The following ZNF790 variants were observed in gnomAD, a reference collection of about 807,000 sequenced individuals.
ZNF790 encodes zinc finger protein 790.
A neutral mutation model predicts 12.1 loss-of-function variants in ZNF790; 8 were observed. The ratio of observed to expected loss-of-function variants is 0.66; its 90% CI spans 0.39 to 1.19. ZNF790 has a LOEUF of 1.19. ZNF790 is among the 50% of genes most tolerant of loss of function. ZNF790 has a pLI of 0.01. For synonymous variants in ZNF790, 252 were observed against 244.3 expected (o/e 1.03, Z -0.29); for missense variants, 707 against 752.2 (o/e 0.94, Z 0.70).
intron 1 of ZNF790, among the ~76,000 whole-genome samples, chr19:36,843,718 A>G (rs1568344367): frequency 6.6e-6 from 1 of 152,186 alleles, no homozygotes; most frequent in African/African-American, 2.4e-5. Flanking sequence ...CTGAAAAAAC[A>G]AACAGGTCGG....
intron 1 of ZNF790, among the ~76,000 whole-genome samples, chr19:36,830,698 G>A (rs1025570153): frequency 3.3e-5 from 5 of 152,302 alleles, no homozygotes; most frequent in African/African-American, 1.2e-4. Context: ...GGGTAACAGA[G>A]GAAGAAACCC....
At chr19:36,828,841 T>C (rs1009419227) in intron 1 of ZNF790, among the ~76,000 whole-genome samples, 17 of 151,880 alleles carry the variant, frequency 1.1e-4, no homozygotes, top group African/African-American at 3.9e-4. Flanking sequence ...AACAAGAAAA[T>C]CAAAGTAAAT....
At chr19:36,844,631 T>C (rs2072160563) in intron 1 of ZNF790, among the ~76,000 whole-genome samples, 1 of 148,330 alleles carries the variant, frequency 6.7e-6, no homozygotes, top group Admixed American at 6.6e-5. Flanking sequence ...TCACCAAAAC[T>C]CTGAGAAAAA....
At position 36,838,048 on chromosome 19, in the gene ZNF790, A is replaced by G. The variant is rs937876819; in HGVS notation, c.-74+289T>C. 1.3e-5 allele frequency: 2 copies of G among 152,438 alleles called. No individual in the cohort carries two copies. Among genetic ancestry groups the G allele is most frequent in the Admixed American group, 1.3e-4 (2 of 15,284 alleles). 9.4% of individuals were successfully genotyped at this position (152,438 alleles called of 1,614,324 possible). On this transcript the variant is annotated intron_variant, in intron 1 of 4. Coordinates refer to ENST00000356725, the MANE Select transcript of ZNF790 (RefSeq NM_206894.4). The surrounding 1 kb of genome is among the most constrained non-coding windows in gnomAD (Gnocchi z 4.4). ...GTCATAATCACGTACATACAGTCACATTTAAATAGTCCATTAGGGTCACAC... is the reference window on the plus strand; with the variant it reads ...GTCATAATCACGTACATACAGTCACGTTTAAATAGTCCATTAGGGTCACAC...
intron 2 of ZNF790, 79 bp from the exon 3 acceptor site, chr19:36,823,869 G>T: frequency 1.5e-6 from 2 of 1,357,298 alleles, no homozygotes; most frequent in Non-Finnish European, 2.0e-6. Context: ...AAAGGGGAAA[G>T]GCTGGAAAGG....
At chr19:36,823,992 CTT>C (rs779735213) in intron 2 of ZNF790, among the ~76,000 whole-genome samples, 24 of 104,374 alleles carry the variant, frequency 2.3e-4, no homozygotes, top group African/African-American at 7.6e-4. Flanking sequence ...TCTACATGCT[CTT>C]TTTTTTTTTT....
At chr19:36,824,067 G>C (rs1445768696) in intron 2 of ZNF790, among the ~76,000 whole-genome samples, 1 of 136,632 alleles carries the variant, frequency 7.3e-6, no homozygotes, top group Non-Finnish European at 1.5e-5. Flanking sequence ...TGCAATCTCT[G>C]ATCACTGCAA....
At chr19:36,842,130 A>G (rs2146091854), upstream of ZNF790, among the ~76,000 whole-genome samples, 1 of 152,330 alleles carries the variant, frequency 6.6e-6, no homozygotes, top group African/African-American at 2.4e-5. Context: ...GATATACTGG[A>G]CTTCATAGAA....
chr19:36,842,593 C>T (rs1233189737), upstream of ZNF790, among the ~76,000 whole-genome samples: 1 of 151,592 alleles, frequency 6.6e-6, no homozygotes, highest in Non-Finnish European at 1.5e-5. Flanking sequence ...ATAAAAGTCA[C>T]TTTAGGGATA....
chr19:36,845,962 C>G (rs957703501), intron 1 of ZNF790, among the ~76,000 whole-genome samples: 3 of 151,990 alleles, frequency 2.0e-5, no homozygotes, highest in Non-Finnish European at 2.9e-5. Context: ...GAATGCACCA[C>G]CACACTTGGC....
chr19:36,827,985 T>C (rs1184698562), intron 1 of ZNF790: 1 of 152,138 alleles, frequency 6.6e-6, no homozygotes, highest in Non-Finnish European at 1.5e-5. Context: ...ATGTAAAGCC[T>C]GTAGTATGAA....
intron 3 of ZNF790, 141 bp from the exon 4 acceptor site, chr19:36,823,521 C>T: frequency 8.0e-7 from 1 of 1,246,004 alleles, no homozygotes; most frequent in Non-Finnish European, 1.1e-6. Context: ...TGGAAGTGCC[C>T]ACTGATGATA....
intron 3 of ZNF790, 75 bp downstream of exon 3, chr19:36,823,592 C>T (rs866972958): frequency 1.9e-6 from 3 of 1,560,088 alleles, no homozygotes; most frequent in African/African-American, 2.8e-5. Flanking sequence ...AGAAGTTACC[C>T]TGGACATTTA....
chr19:36,825,648 T>C lies in ZNF790; in HGVS notation c.-29A>G. On this transcript the variant is annotated 5_prime_UTR_variant, in exon 2 of 5. Coordinates refer to ENST00000356725, the MANE Select transcript of ZNF790 (RefSeq NM_206894.4). Reference sequence around the variant, plus strand: ...TTAACATTCCAAGTCCACCAGTCCTTCTCTGGATTCTTTCTTGGTGAGGCA... The same window carrying C: ...TTAACATTCCAAGTCCACCAGTCCTCCTCTGGATTCTTTCTTGGTGAGGCA... 5 of 1,613,952 alleles carry C rather than the reference T, an allele frequency of 3.1e-6. No homozygotes were observed. Among genetic ancestry groups the C allele is most frequent in the South Asian group, 2.2e-5 (2 of 91,082 alleles).
At chr19:36,828,250 G>A (rs912335479) in intron 1 of ZNF790, 1 of 152,132 alleles carries the variant, frequency 6.6e-6, no homozygotes. Flanking sequence ...GATCACCTGA[G>A]GTCGGGAGTT....
Position 36,825,609 on chromosome 19 carries a change from A to T in ZNF790, c.9+2T>A, listed in dbSNP as rs2071779830. 1 of 1,613,850 alleles carries T rather than the reference A, an allele frequency of 6.2e-7. No individual in the cohort carries two copies. On this transcript the variant is annotated splice_donor_variant, in intron 2 of 4. Transcript: ENST00000356725. LOFTEE classifies it high-confidence loss of function. Reference sequence around the variant, plus strand: ...TTTTGGAGAGAGGCAATTCCAACTCACATGGGCCATGACTTAACATTCCAA... The same window carrying T: ...TTTTGGAGAGAGGCAATTCCAACTCTCATGGGCCATGACTTAACATTCCAA...
chr19:36,842,906 GA>G (rs968613619), upstream of ZNF790, among the ~76,000 whole-genome samples: 1 of 150,774 alleles, frequency 6.6e-6, no homozygotes, highest in African/African-American at 2.4e-5. Context: ...TCAGGAGGCT[GA>G]GGCAGGAGAA....
intron 1 of ZNF790, among the ~76,000 whole-genome samples, chr19:36,848,350 C>T (rs1337699790): frequency 6.6e-6 from 1 of 152,172 alleles, no homozygotes; most frequent in African/African-American, 2.4e-5. Context: ...ATTAATCATG[C>T]CTACATAATG....
intron 4 of ZNF790, among the ~76,000 whole-genome samples, chr19:36,822,890 G>C (rs1007671244): frequency 1.3e-5 from 2 of 151,044 alleles, no homozygotes; most frequent in East Asian, 2.0e-4. Context: ...TCACTCTGTC[G>C]ACCAGACTGC....
Sources: allele counts gnomAD v4.1 joint callset (sites outside exome capture counted in the v4.1 genomes callset), GRCh38; gene constraint gnomAD v4.1.1; non-coding constraint Gnocchi (gnomAD v3.1); transcripts MANE v1.5; gene names NCBI Gene and HGNC (gene_info 2026-07-23, HGNC 2026-07-21).